Variants in ABCG8 observed in about 807,000 individuals in gnomAD.
The protein encoded by ABCG8 is ATP binding cassette subfamily G member 8, also known as ATP-binding cassette sub-family G member 8.
In ABCG8, 81 loss-of-function variants were observed where a neutral mutation model predicts 71.3. That is an observed-to-expected ratio of 1.14 (90% confidence interval 0.95 to 1.37). The LOEUF (loss-of-function observed/expected upper bound fraction) is 1.37, where lower values mean the gene tolerates loss of function less well. ABCG8 is among the 40% of genes most tolerant of loss of function. ABCG8 has a pLI of 0.00. For synonymous variants in ABCG8, 451 were observed against 354.7 expected (o/e 1.27, Z -3.05); for missense variants, 1,119 against 866.2 (o/e 1.29, Z -3.66).
intron 6 of ABCG8, among the ~76,000 whole-genome samples, chr2:43,862,229 T>C (rs1669348402): frequency 6.6e-6 from 1 of 150,842 alleles, no homozygotes; most frequent in Non-Finnish European, 1.5e-5. Context: ...GAACTCTCAC[T>C]ATCTGTCTGG....
chr2:43,852,939 C>G (rs1278813989), intron 6 of ABCG8, 71 bp downstream of exon 6: 2 of 1,574,282 alleles, frequency 1.3e-6, no homozygotes, highest in African/African-American at 2.9e-5. Flanking sequence ...CCTGCCCAAG[C>G]TTGCTGGAAA....
At position 43,865,063 on chromosome 2, in the gene ABCG8, T is replaced by C. The variant is rs562888928; in HGVS notation, c.965-6913T>C. ...AGAATTCTCACTCTCTGGATAGAAC[T>C]CCCACTATCTGTCTGGATAGAATTC... On this transcript the variant is annotated intron_variant, in intron 6 of 12. Transcript: ENST00000272286. 2.3e-4 allele frequency among the ~76,000 whole-genome samples: 35 copies of C among 151,906 alleles called. No individual in the cohort carries two copies. The East Asian group carries it at 6.2e-3, about 27-fold the overall frequency.
rs981520780 is a variant in ABCG8 at position 43,880,762 on chromosome 2, A to T, written c.*2849A>T. ...AATCCAGCATCACAGAGTTGATCCT[A>T]GGTTCTTCCCTCTTCTCTAATTGTG... is the stretch of plus-strand genomic sequence containing the variant. On this transcript the variant is annotated 3_prime_UTR_variant, in exon 13 of 13. Coordinates refer to ENST00000272286, the MANE Select transcript of ABCG8 (RefSeq NM_022437.3). 1 of 152,254 alleles carries T rather than the reference A, an allele frequency of 6.6e-6. No homozygotes were observed. Among genetic ancestry groups the T allele is most frequent in the Non-Finnish European group, 1.5e-5 (1 of 68,068 alleles). The allele number at this position is 152,254 out of a possible 1,614,324, so 9.4% of individuals were successfully genotyped here.
chr2:43,853,248 A>T (rs1668989037), intron 6 of ABCG8, among the ~76,000 whole-genome samples: 1 of 152,208 alleles, frequency 6.6e-6, no homozygotes, highest in Non-Finnish European at 1.5e-5. Context: ...TGGTGTTCCC[A>T]CAGTGGCAGG....
At chr2:43,869,853 C>G (rs753444281) in intron 6 of ABCG8, among the ~76,000 whole-genome samples, 1 of 151,986 alleles carries the variant, frequency 6.6e-6, no homozygotes, top group Admixed American at 6.6e-5. Flanking sequence ...CTGGATGGAA[C>G]TCTCACTATC....
At position 43,882,320 on chromosome 2, in the gene ABCG8, T is replaced by C. The variant is rs765457135; in HGVS notation, c.*4407T>C. The C allele has an allele frequency of 6.6e-6, 1 of 152,202 alleles. No homozygotes were observed. The highest frequency in any genetic ancestry group is 1.5e-5 in the Non-Finnish European group (1 of 68,032). 9.4% of individuals were successfully genotyped at this position (152,202 alleles called of 1,614,324 possible). A position where few individuals can be genotyped will look rare whatever the true frequency, so the allele number is the denominator to read the frequency against. ...CTAGCAACAGAAATGTTCAAATCTG[T>C]CAAATCCAAGTGTTAACAGACCTGG... is the stretch of plus-strand genomic sequence containing the variant. On this transcript the variant is annotated 3_prime_UTR_variant, in exon 13 of 13. Coordinates refer to ENST00000272286, the MANE Select transcript of ABCG8 (RefSeq NM_022437.3).
At chr2:43,844,371 A>G (rs1163181635) in intron 1 of ABCG8, 136 bp from the exon 2 acceptor site, 11 of 715,426 alleles carry the variant, frequency 1.5e-5, no homozygotes, top group Non-Finnish European at 2.5e-5. Flanking sequence ...CACCTGTGCA[A>G]TCCCATCTGT....
intron 6 of ABCG8, among the ~76,000 whole-genome samples, chr2:43,862,586 C>G (rs1558831067): frequency 8.3e-6 from 1 of 120,202 alleles, no homozygotes; most frequent in Non-Finnish European, 1.9e-5. Flanking sequence ...GGATAGAACT[C>G]TTACTACCTG....
chr2:43,875,367 C>T lies in ABCG8; in HGVS notation c.1710C>T (p.Phe570=), dbSNP rs1175773666. 2 of 1,614,064 alleles carry T rather than the reference C, an allele frequency of 1.2e-6. No homozygotes were observed. The highest frequency in any genetic ancestry group is 2.7e-5 in the African/African-American group (2 of 74,954). Residue 570 remains phenylalanine (F), a synonymous_variant, in exon 11 of 13, where the codon TTC becomes TTT. Transcript: ENST00000272286. ...SFFSNALYNS[F]YLAGGFMINL... is the part of the protein sequence containing the mutation. The stretch of plus-strand genomic sequence containing the variant: ...TCAGCAATGCCCTCTACAACTCCTT[C>T]TACCTCGCCGGGGGCTTCATGATAA...
chr2:43,857,198 A>T (rs558107823), intron 6 of ABCG8, among the ~76,000 whole-genome samples: 1 of 149,768 alleles, frequency 6.7e-6, no homozygotes, highest in African/African-American at 2.5e-5. Context: ...CAGAATTCTC[A>T]CTCTCTGGAT....
intron 6 of ABCG8, among the ~76,000 whole-genome samples, chr2:43,864,547 T>C (rs1249593033): frequency 6.6e-6 from 1 of 151,770 alleles, no homozygotes; most frequent in East Asian, 1.9e-4. Flanking sequence ...ATTCTCTCCA[T>C]CTGTATAGAA....
chr2:43,874,653 C>T (rs933227252), intron 10 of ABCG8, among the ~76,000 whole-genome samples, 170 bp downstream of exon 10: 1 of 152,110 alleles, frequency 6.6e-6, no homozygotes, highest in Non-Finnish European at 1.5e-5. Flanking sequence ...GAGACTTGAA[C>T]TTTTATTTTA....
intron 6 of ABCG8, among the ~76,000 whole-genome samples, chr2:43,863,539 T>C (rs1669408727): frequency 6.6e-6 from 1 of 151,432 alleles, no homozygotes; most frequent in Non-Finnish European, 1.5e-5. Context: ...GATAGAATTC[T>C]CACCCTCTGG....
intron 6 of ABCG8, among the ~76,000 whole-genome samples, chr2:43,868,614 C>A (rs957532362): frequency 1.3e-5 from 2 of 151,846 alleles, no homozygotes; most frequent in African/African-American, 4.8e-5. Flanking sequence ...CTGGATAGAA[C>A]TCTGACTCTC....
At chr2:43,861,070 C>A (rs1302790072) in intron 6 of ABCG8, among the ~76,000 whole-genome samples, 2 of 151,434 alleles carry the variant, frequency 1.3e-5, no homozygotes, top group African/African-American at 2.4e-5. Context: ...AGAACCCTCA[C>A]TATCTATATG....
intron 6 of ABCG8, among the ~76,000 whole-genome samples, chr2:43,860,605 A>C (rs1669277058): frequency 1.3e-5 from 2 of 151,052 alleles, no homozygotes; most frequent in African/African-American, 4.8e-5. Flanking sequence ...CTCACTGTCT[A>C]TCTCGATAAA....
chr2:43,881,102 G>C lies in ABCG8; in HGVS notation c.*3189G>C, dbSNP rs191808119. The C allele has an allele frequency of 6.6e-6, 1 of 152,426 alleles. No individual in the cohort carries two copies. The highest frequency in any genetic ancestry group is 2.1e-4 in the South Asian group (1 of 4,828). 9.4% of individuals were successfully genotyped at this position (152,426 alleles called of 1,614,324 possible). Reference sequence around the variant, plus strand: ...ACTCCCCAGGTAATTCTAATGTGCAGTGATTGACAGCCACTAAGATACATC... The same window carrying C: ...ACTCCCCAGGTAATTCTAATGTGCACTGATTGACAGCCACTAAGATACATC... On this transcript the variant is annotated 3_prime_UTR_variant, in exon 13 of 13. Coordinates refer to ENST00000272286, the MANE Select transcript of ABCG8 (RefSeq NM_022437.3).
In ABCG8 at chr2:43,852,859, G is replaced by T. The variant is rs1668976845; in HGVS notation, c.955G>T (p.Asp319Tyr). ...CTGTCCTCGCTACAGCAATCCTGCT[G>T]ACTTCTATGGTGAGTCCCCAAGGCC... is the stretch of plus-strand genomic sequence containing the variant. ...YPCPRYSNPA[D>Y]FYVDLTSIDR... Residue 319 changes from aspartate (D) to tyrosine (Y), a missense_variant, in exon 6 of 13, where the codon GAC becomes TAC. Asp to Tyr is a radical substitution (Grantham distance 160). Coordinates refer to ENST00000272286, the MANE Select transcript of ABCG8 (RefSeq NM_022437.3). 7.4e-6 allele frequency: 12 copies of T among 1,614,040 alleles called. No individual in the cohort carries two copies. Among genetic ancestry groups the T allele is most frequent in the Non-Finnish European group, 1.0e-5 (12 of 1,180,038 alleles).
chr2:43,844,228 G>C (rs1357240947), intron 1 of ABCG8, among the ~76,000 whole-genome samples: 1 of 152,092 alleles, frequency 6.6e-6, no homozygotes, highest in Non-Finnish European at 1.5e-5. Context: ...GAAGCTGCTT[G>C]GCTTCAGGCT....
Sources: gnomAD v4.1 joint callset for allele counts (sites outside exome capture counted in the v4.1 genomes callset) on GRCh38, gnomAD v4.1.1 for gene constraint, MANE v1.5 for transcripts, NCBI Gene and HGNC (gene_info 2026-07-23, HGNC 2026-07-21) for gene names.